Variants in SNAP29 observed in about 807,000 individuals in gnomAD.
The protein encoded by SNAP29 is synaptosome associated protein 29.
SNAP29 carries 13 observed loss-of-function variants against 27.9 expected under a neutral mutation model. The ratio of observed to expected loss-of-function variants is 0.47; its 90% CI spans 0.30 to 0.74. The LOEUF is 0.74. SNAP29 is among the 30% of genes least tolerant of loss of function. The pLI is 0.06. For synonymous variants in SNAP29, 119 were observed against 127.1 expected, an observed-to-expected ratio of 0.94 and a Z score of 0.43; for missense variants, 368 against 336.5, an observed-to-expected ratio of 1.09 and a Z score of -0.73.
intron 2 of SNAP29, among the ~76,000 whole-genome samples, chr22:20,875,459 A>G (rs1928717105): frequency 6.6e-6 from 1 of 152,222 alleles, no homozygotes; most frequent in South Asian, 2.1e-4. Flanking sequence ...TGGGGGAGGC[A>G]GACAGTCCAC....
chr22:20,879,072 C>A (rs1928820380), intron 2 of SNAP29, among the ~76,000 whole-genome samples: 1 of 152,118 alleles, frequency 6.6e-6, no homozygotes, highest in East Asian at 1.9e-4. Context: ...CTTTGGGAGG[C>A]CAAGGTGGGC....
chr22:20,870,382 G>A lies in SNAP29; in HGVS notation c.283G>A (p.Val95Met), dbSNP rs1309619048. Reference protein sequence around the residue: ...RGVLERTEKMVDKMDQDLKIS... With the variant: ...RGVLERTEKMMDKMDQDLKIS... ...AGTCCTGGAGCGCACAGAGAAGATG[G>A]TGGACAAGATGGACCAAGATTTGAA... The change falls in exon 2 of 5, where the codon GTG becomes ATG. Residue 95 changes from valine (V) to methionine (M), a missense_variant. Val to Met is a conservative substitution (Grantham distance 21, BLOSUM62 1). Transcript: ENST00000215730. 2 of 1,614,132 alleles carry A rather than the reference G, an allele frequency of 1.2e-6. No individual in the cohort carries two copies. The highest frequency in any genetic ancestry group is 1.1e-5 in the South Asian group (1 of 91,086).
At chr22:20,862,047 G>A (rs1410247680) in intron 1 of SNAP29, among the ~76,000 whole-genome samples, 2 of 152,240 alleles carry the variant, frequency 1.3e-5, no homozygotes, top group Non-Finnish European at 2.9e-5. Context: ...TGGGATTACA[G>A]ATGTGAGCCA....
Position 20,870,419 on chromosome 22 carries a change from AAC to A in SNAP29, c.324_325del (p.Ile109GlnfsTer2). ...GACCAAGATTTGAAGATCAGCCAGA[AAC>A]ACATCAATAGCATTAAGAGCGTGTT... On this transcript the variant is annotated frameshift_variant, in exon 2 of 5. Coordinates refer to ENST00000215730, the MANE Select transcript of SNAP29 (RefSeq NM_004782.4). LOFTEE classifies it high-confidence loss of function. 1 of 1,614,186 alleles carries A rather than the reference AAC, an allele frequency of 6.2e-7. No homozygotes were observed. The highest frequency in any genetic ancestry group is 8.5e-7 in the Non-Finnish European group (1 of 1,180,024).
chr22:20,890,114 G>C lies in SNAP29; in HGVS notation c.*2278G>C. 2.5e-6 allele frequency: 1 copy of C among 396,088 alleles called. No individual in the cohort carries two copies. Among genetic ancestry groups the C allele is most frequent in the South Asian group, 1.4e-4 (1 of 7,010 alleles). The allele number at this position is 396,088 out of a possible 1,614,324, so 24.5% of individuals were successfully genotyped here. A position where few individuals can be genotyped will look rare whatever the true frequency, so the allele number is the denominator to read the frequency against. On this transcript the variant is annotated 3_prime_UTR_variant, in exon 5 of 5. Coordinates refer to ENST00000215730, the MANE Select transcript of SNAP29 (RefSeq NM_004782.4). ...GACTGTCCGTAAGCTACAGGACAGC[G>C]AGCTGGTCCTTTCTGCCACTTCTTC...
chr22:20,869,493 C>A (rs182789737), intron 1 of SNAP29, among the ~76,000 whole-genome samples: 36 of 152,262 alleles, frequency 2.4e-4, no homozygotes, highest in African/African-American at 8.2e-4. Flanking sequence ...GGTTTTAAAG[C>A]TGGAATTGTG....
Position 20,888,339 on chromosome 22 carries a change from ACACACACACACACACACT to A in SNAP29, c.*505_*522del, listed in dbSNP as rs368659383. 0.028 allele frequency: 5,387 copies of A among 193,438 alleles called. 98 individuals are homozygous for A. Among genetic ancestry groups the A allele is most frequent in the Middle Eastern group, 0.048 (21 of 438 alleles). The allele number at this position is 193,438 out of a possible 1,614,324, so 12.0% of individuals were successfully genotyped here. ...CACACACACACACACACACACACAC[ACACACACACACACACACT>A]CTCTGAGCACATTATCTGTGATTCT... On this transcript the variant is annotated 3_prime_UTR_variant, in exon 5 of 5. Transcript: ENST00000215730.
At chr22:20,869,277 G>A (rs1055075813) in intron 1 of SNAP29, among the ~76,000 whole-genome samples, 5 of 152,208 alleles carry the variant, frequency 3.3e-5, no homozygotes, top group African/African-American at 1.2e-4. Context: ...AAAAGGAGGT[G>A]GAGAAGAGGG....
chr22:20,879,242 G>A (rs1325697795), intron 2 of SNAP29, among the ~76,000 whole-genome samples: 1 of 151,964 alleles, frequency 6.6e-6, no homozygotes, highest in Non-Finnish European at 1.5e-5. Context: ...GGTCAGCAGA[G>A]GTTGCAGTGA....
chr22:20,878,277 C>T (rs1481662476), intron 2 of SNAP29, among the ~76,000 whole-genome samples: 1 of 152,122 alleles, frequency 6.6e-6, no homozygotes, highest in Non-Finnish European at 1.5e-5. Flanking sequence ...CACGGTGGCT[C>T]AAGCCTGTAA....
chr22:20,882,680 G>A (rs1928916914), intron 3 of SNAP29, among the ~76,000 whole-genome samples: 1 of 152,182 alleles, frequency 6.6e-6, no homozygotes, highest in Non-Finnish European at 1.5e-5. Context: ...CCCTGGAGAA[G>A]GGGCACAGGA....
At chr22:20,885,218 C>T (rs1045780920) in intron 4 of SNAP29, among the ~76,000 whole-genome samples, 3 of 152,178 alleles carry the variant, frequency 2.0e-5, no homozygotes, top group African/African-American at 7.2e-5. Flanking sequence ...GAAATCTCCC[C>T]CGTGGTGACC....
In SNAP29 at chr22:20,883,486, G is replaced by A. The variant is rs1432190615; in HGVS notation, c.536G>A (p.Gly179Glu). Residue 179 changes from glycine to glutamate, a missense_variant, in exon 4 of 5, where the codon GGG becomes GAG. Physicochemically the swap from Gly to Glu is moderately conservative, Grantham distance 98 (BLOSUM62 -2). Coordinates refer to ENST00000215730, the MANE Select transcript of SNAP29 (RefSeq NM_004782.4). ...KLDDTDPVPR[G>E]AGSAMSTDAY... ...CTAAACTTAGACCCTGTCCCCAGAG[G>A]GGCTGGTTCTGCCATGAGTACTGAT... The A allele has an allele frequency of 6.2e-7, 1 of 1,612,240 alleles. No homozygotes were observed. Among genetic ancestry groups the A allele is most frequent in the Non-Finnish European group, 8.5e-7 (1 of 1,178,486 alleles).
At position 20,890,230 on chromosome 22, in the gene SNAP29, A is replaced by G. The variant is rs1929116628; in HGVS notation, c.*2394A>G. On this transcript the variant is annotated 3_prime_UTR_variant, in exon 5 of 5. Transcript: ENST00000215730. ...CACAGAGAATGAAGGAAGACGTAAC[A>G]TGGCTCCAGAAACTTTTCACATGAT... The G allele has an allele frequency of 2.5e-6, 1 of 398,494 alleles. No homozygotes were observed. The highest frequency in any genetic ancestry group is 3.6e-5 in the East Asian group (1 of 28,066). 24.7% of individuals were successfully genotyped at this position (398,494 alleles called of 1,614,324 possible). A position where few individuals can be genotyped will look rare whatever the true frequency, so the allele number is the denominator to read the frequency against.
intron 1 of SNAP29, among the ~76,000 whole-genome samples, chr22:20,868,296 G>T (rs1928508380): frequency 6.6e-6 from 1 of 152,178 alleles, no homozygotes; most frequent in South Asian, 2.1e-4. Context: ...AAGGCTGATG[G>T]TTTGTTCAGA....
rs361542 is a variant in SNAP29 at position 20,879,851 on chromosome 22, TAAA to T, written c.435-1176_435-1174del. 2.9e-3 allele frequency among the ~76,000 whole-genome samples: 282 copies of T among 98,022 alleles called. 1 individual carries two copies. Among genetic ancestry groups the T allele is most frequent in the East Asian group, 4.9e-3 (17 of 3,438 alleles). 64.3% of individuals were successfully genotyped at this position (98,022 alleles called of 152,430 possible). On this transcript the variant is annotated intron_variant, in intron 2 of 4. Transcript: ENST00000215730. ...GAGCGAGACTCTGTCTGAAAAAATT[TAAA>T]AAAAAAAAAAAAAAAAAAAAAGCCA...
intron 2 of SNAP29, among the ~76,000 whole-genome samples, chr22:20,880,037 T>C (rs1928855028): frequency 6.6e-6 from 1 of 151,428 alleles, no homozygotes; most frequent in African/African-American, 2.4e-5. Context: ...AAAACAGTAA[T>C]AGTTGAGTAC....
chr22:20,882,628 G>A (rs1199205880), intron 3 of SNAP29, among the ~76,000 whole-genome samples: 2 of 152,332 alleles, frequency 1.3e-5, no homozygotes, highest in Non-Finnish European at 2.9e-5. Flanking sequence ...GGAAGTGAGT[G>A]TAAATTGAAA....
chr22:20,872,652 C>T (rs912931169), intron 2 of SNAP29, among the ~76,000 whole-genome samples: 2 of 151,812 alleles, frequency 1.3e-5, no homozygotes, highest in Admixed American at 1.3e-4. Flanking sequence ...CATCCGCCTC[C>T]GCCTTCCAAA....
Sources: allele counts gnomAD v4.1 joint callset (sites outside exome capture counted in the v4.1 genomes callset), GRCh38; gene constraint gnomAD v4.1.1; transcripts MANE v1.5; gene names NCBI Gene and HGNC (gene_info 2026-07-23, HGNC 2026-07-21).